The following COBL variants were observed in gnomAD, a reference collection of about 807,000 sequenced individuals.
COBL encodes cordon-bleu WH2 repeat protein.
In COBL, 51 loss-of-function variants were observed where a neutral mutation model predicts 98.8. The ratio of observed to expected loss-of-function variants is 0.52; its 90% confidence interval spans 0.41 to 0.65. COBL has a LOEUF of 0.65. Among genes scored for constraint, COBL ranks in the 30% least tolerant of loss-of-function variants. The pLI is 0.00. For missense variants in COBL, 1,617 were observed against 1,617.5 expected, an observed-to-expected ratio of 1.00 and a Z score of 0.01; for synonymous variants, 634 against 651.7, an observed-to-expected ratio of 0.97 and a Z score of 0.41.
intron 7 of COBL, chr7:51,064,757 T>TA (rs1232070728): frequency 1.8e-5 from 3 of 167,592 alleles, no homozygotes; most frequent in African/African-American, 7.2e-5. Context: ...ACATTTTATA[T>TA]TTTTTTTTAA....
chr7:51,060,888 T>C (rs1366531343), intron 7 of COBL, among the ~76,000 whole-genome samples: 1 of 152,134 alleles, frequency 6.6e-6, no homozygotes, highest in African/African-American at 2.4e-5. Flanking sequence ...ACCCAGACTA[T>C]CCAGGGGAAA....
chr7:51,301,104 G>A (rs192291366), intron 1 of COBL, among the ~76,000 whole-genome samples: 21 of 152,180 alleles, frequency 1.4e-4, no homozygotes, highest in Admixed American at 1.2e-3. Flanking sequence ...TGGGATACAC[G>A]CACCGCGCAG....
At chr7:51,145,312 G>C (rs547975898) in intron 5 of COBL, among the ~76,000 whole-genome samples, 2 of 151,834 alleles carry the variant, frequency 1.3e-5, no homozygotes, top group South Asian at 4.2e-4. Context: ...CACCATGCCC[G>C]GCCTGTTTTT....
intron 6 of COBL, among the ~76,000 whole-genome samples, chr7:51,131,525 G>T (rs1333617276): frequency 6.6e-6 from 1 of 151,692 alleles, no homozygotes; most frequent in African/African-American, 2.4e-5. Context: ...ATAGAGTATT[G>T]TGTCAATCTT....
At chr7:51,093,235 C>A (rs1010454755) in intron 6 of COBL, among the ~76,000 whole-genome samples, 1 of 150,676 alleles carries the variant, frequency 6.6e-6, no homozygotes, top group South Asian at 2.1e-4. Flanking sequence ...AGACATTTTG[C>A]AAAAAAAAGA....
chr7:51,289,628 C>A (rs1318956532), intron 1 of COBL, among the ~76,000 whole-genome samples: 1 of 152,232 alleles, frequency 6.6e-6, no homozygotes, highest in Non-Finnish European at 1.5e-5. Context: ...CACTTCTGTG[C>A]CTTGCACACA....
chr7:51,232,622 T>A (rs1794857799), intron 1 of COBL, among the ~76,000 whole-genome samples: 1 of 152,066 alleles, frequency 6.6e-6, no homozygotes, highest in South Asian at 2.1e-4. Flanking sequence ...CCATCCTGGC[T>A]AACACAGTGA....
At chr7:51,281,488 T>C (rs1199863608) in intron 1 of COBL, among the ~76,000 whole-genome samples, 2 of 152,160 alleles carry the variant, frequency 1.3e-5, no homozygotes, top group Non-Finnish European at 2.9e-5. Context: ...AAGCCCACAC[T>C]CTGGGACATC....
chr7:51,182,363 C>G (rs1789059205), intron 5 of COBL, among the ~76,000 whole-genome samples: 1 of 151,876 alleles, frequency 6.6e-6, no homozygotes. Flanking sequence ...CTCACTGCAA[C>G]CTCTGCCTCC....
intron 2 of COBL, among the ~76,000 whole-genome samples, chr7:51,209,262 T>A (rs541510753): frequency 1.3e-5 from 2 of 152,048 alleles, no homozygotes; most frequent in Non-Finnish European, 2.9e-5. Flanking sequence ...ATGTTCTCAT[T>A]GATACAAACA....
chr7:51,083,311 A>G, intron 7 of COBL: 1 of 1,066,016 alleles, frequency 9.4e-7, no homozygotes. Context: ...CTCACTGGGC[A>G]CCAGATCCAG....
intron 7 of COBL, among the ~76,000 whole-genome samples, chr7:51,045,915 AAATGACT>A (rs1450766029): frequency 7.2e-5 from 11 of 152,334 alleles, no homozygotes; most frequent in South Asian, 6.2e-4. Flanking sequence ...ACCATTTACA[AAATGACT>A]AATGCGAGTG....
intron 1 of COBL, among the ~76,000 whole-genome samples, chr7:51,305,320 G>A (rs909566636): frequency 1.3e-5 from 2 of 152,188 alleles, no homozygotes; most frequent in South Asian, 4.1e-4. Flanking sequence ...TCTGCAGCCA[G>A]TCTTATCCCT....
intron 1 of COBL, among the ~76,000 whole-genome samples, chr7:51,251,394 T>C (rs1796716876): frequency 6.6e-6 from 1 of 152,218 alleles, no homozygotes; most frequent in Non-Finnish European, 1.5e-5. Flanking sequence ...GAGGATTCTG[T>C]GCTGTCGTTT....
At chr7:51,308,184 CTTAA>C (rs1248556552) in intron 1 of COBL, among the ~76,000 whole-genome samples, 1 of 152,172 alleles carries the variant, frequency 6.6e-6, no homozygotes, top group Non-Finnish European at 1.5e-5. Flanking sequence ...GGATTTTGCA[CTTAA>C]TTAAGAGGGT....
chr7:51,183,787 C>A (rs1180445669), intron 5 of COBL, among the ~76,000 whole-genome samples: 5 of 152,184 alleles, frequency 3.3e-5, no homozygotes, highest in Non-Finnish European at 7.3e-5. Context: ...TGAGTTTCAG[C>A]CACAGGCAGA....
intron 6 of COBL, among the ~76,000 whole-genome samples, chr7:51,089,215 A>T (rs974726396): frequency 6.6e-6 from 1 of 152,042 alleles, no homozygotes; most frequent in African/African-American, 2.4e-5. Context: ...TATTTATCAC[A>T]ATCTAAATAC....
chr7:51,196,962 C>A (rs1213898674), intron 2 of COBL, among the ~76,000 whole-genome samples: 18 of 144,844 alleles, frequency 1.2e-4, no homozygotes, highest in Admixed American at 6.2e-4. Context: ...TTAATTTTTT[C>A]AAAAAAAAAA....
chr7:51,239,037 G>T (rs907466032), intron 1 of COBL, among the ~76,000 whole-genome samples: 2 of 152,164 alleles, frequency 1.3e-5, no homozygotes, highest in Non-Finnish European at 2.9e-5. Context: ...AAAAATAAGG[G>T]TAATAAATAT....
Sources: allele counts gnomAD v4.1 joint callset (sites outside exome capture counted in the v4.1 genomes callset), GRCh38; gene constraint gnomAD v4.1.1; transcripts MANE v1.5; gene names NCBI Gene and HGNC (gene_info 2026-07-23, HGNC 2026-07-21).